The following CNNM2 variants were observed in gnomAD, a reference collection of about 807,000 sequenced individuals.
CNNM2 encodes cyclin and CBS domain divalent metal cation transport mediator 2, also known as metal transporter CNNM2.
Under a neutral mutation model 66.9 loss-of-function variants are expected in CNNM2, and 12 were observed. That is an observed-to-expected ratio of 0.18 (90% CI 0.11 to 0.29). The LOEUF (loss-of-function observed/expected upper bound fraction) is 0.29, where lower values mean the gene tolerates loss of function less well. Ranked by LOEUF, CNNM2 falls within the 10% of genes least tolerant of loss-of-function variation. CNNM2 has a pLI of 1.00. For missense variants in CNNM2, 705 were observed against 1,167.7 expected (o/e 0.60, Z 5.77); for synonymous variants, 557 against 501.8 (o/e 1.11, Z -1.47).
intron 1 of CNNM2, among the ~76,000 whole-genome samples, chr10:103,034,540 T>C (rs1309636283): frequency 6.6e-6 from 1 of 152,202 alleles, no homozygotes; most frequent in Non-Finnish European, 1.5e-5. Context: ...GTATGACTTT[T>C]GTATAATTAC....
In CNNM2 at chr10:102,918,593, G is replaced by C. The variant is rs76057237; in HGVS notation, c.113G>C (p.Arg38Pro). 2.6e-6 allele frequency: 4 copies of C among 1,564,748 alleles called. No homozygotes were observed. In the Admixed American group the frequency reaches 7.6e-5, roughly 30 times the overall value. Residue 38 changes from arginine to proline, a missense_variant, in exon 1 of 8, where the codon CGG becomes CCG. Coordinates refer to ENST00000369878, the MANE Select transcript of CNNM2 (RefSeq NM_017649.5). This position sits in a 1 kb window ranked among gnomAD's most constrained non-coding sequence, Gnocchi z 4.1. ...CGCCGCAGCCTCAGCGCTCGCGGCCGGGGGATCCTGCAGGCGGCTGCGGGG... is the reference window on the plus strand; with the variant it reads ...CGCCGCAGCCTCAGCGCTCGCGGCCCGGGGATCCTGCAGGCGGCTGCGGGG... Reference protein sequence around the residue: ...AARRSLSARGRGILQAAAGRL... With the variant: ...AARRSLSARGPGILQAAAGRL...
In CNNM2 at chr10:103,080,637, G is replaced by A. The variant is rs1213993033; in HGVS notation, c.*3457G>A. 2 of 152,124 alleles carry A rather than the reference G, an allele frequency of 1.3e-5. No homozygotes were observed. The highest frequency in any genetic ancestry group is 2.9e-5 in the Non-Finnish European group (2 of 68,044). 9.4% of individuals were successfully genotyped at this position (152,124 alleles called of 1,614,324 possible). A position where few individuals can be genotyped will look rare whatever the true frequency, so the allele number is the denominator to read the frequency against. On this transcript the variant is annotated 3_prime_UTR_variant, in exon 8 of 8. Transcript: ENST00000369878. ...TACCATCTTCTAATGTGACTTCAAG[G>A]AACAGTGCAAATGTTGAATGCAGAG...
At chr10:103,024,033 A>C (rs1480234511) in intron 1 of CNNM2, among the ~76,000 whole-genome samples, 1 of 152,180 alleles carries the variant, frequency 6.6e-6, no homozygotes, top group Non-Finnish European at 1.5e-5. Context: ...GGGTACCCTA[A>C]AATCATTGAC....
intron 1 of CNNM2, among the ~76,000 whole-genome samples, chr10:102,987,298 A>C (rs1392413892): frequency 6.6e-6 from 1 of 152,100 alleles, no homozygotes; most frequent in Non-Finnish European, 1.5e-5. Flanking sequence ...ATATGAATGA[A>C]TATGCATATA....
rs2065854012 is a variant in CNNM2, at chr10:103,087,690, C to G, written c.*10510C>G. 1 of 152,222 alleles carries G rather than the reference C, an allele frequency of 6.6e-6. No individual in the cohort carries two copies. The highest frequency in any genetic ancestry group is 1.5e-5 in the Non-Finnish European group (1 of 68,050). The allele number at this position is 152,222 out of a possible 1,614,324, so 9.4% of individuals were successfully genotyped here. ...ATGTTAAACTGGACAACATCTCCAT[C>G]TTGAGTGAGAGTAATTAGTAACTAG... On this transcript the variant is annotated 3_prime_UTR_variant, in exon 8 of 8. Coordinates refer to ENST00000369878, the MANE Select transcript of CNNM2 (RefSeq NM_017649.5).
intron 1 of CNNM2, among the ~76,000 whole-genome samples, chr10:102,991,303 T>G (rs1420433417): frequency 6.6e-6 from 1 of 152,198 alleles, no homozygotes; most frequent in East Asian, 1.9e-4. Flanking sequence ...TTTTAAATTT[T>G]GAAATGGTGT....
intron 4 of CNNM2, among the ~76,000 whole-genome samples, chr10:103,064,898 T>A (rs556055938): frequency 9.2e-5 from 14 of 152,198 alleles, no homozygotes; most frequent in African/African-American, 3.1e-4. Context: ...GAAAAAAAAA[T>A]TTGGCAACCC....
chr10:102,985,037 C>A (rs774511954), intron 1 of CNNM2, among the ~76,000 whole-genome samples: 1 of 151,890 alleles, frequency 6.6e-6, no homozygotes, highest in Non-Finnish European at 1.5e-5. Flanking sequence ...GCCAAAAGGC[C>A]GAGAAGCGAT....
chr10:102,979,240 A>G (rs985873775), intron 1 of CNNM2, among the ~76,000 whole-genome samples: 1 of 152,196 alleles, frequency 6.6e-6, no homozygotes, highest in Non-Finnish European at 1.5e-5. Flanking sequence ...GTGATCTTTT[A>G]AAATATTTGT....
intron 1 of CNNM2, among the ~76,000 whole-genome samples, chr10:103,023,001 C>T (rs983538082): frequency 2.0e-5 from 3 of 152,136 alleles, no homozygotes; most frequent in Admixed American, 1.3e-4. Context: ...CTCCCGGGCT[C>T]AGGTGATTCT....
At chr10:102,968,136 C>G (rs1398797461) in intron 1 of CNNM2, among the ~76,000 whole-genome samples, 1 of 152,144 alleles carries the variant, frequency 6.6e-6, no homozygotes, top group South Asian at 2.1e-4. Flanking sequence ...TTTTACTTTT[C>G]AAGAAGCTGC....
intron 1 of CNNM2, among the ~76,000 whole-genome samples, chr10:102,991,600 A>T (rs1341506394): frequency 1.3e-5 from 2 of 152,198 alleles, no homozygotes; most frequent in African/African-American, 4.8e-5. Flanking sequence ...CGTCTGAAGT[A>T]AAGCTATACT....
Position 102,952,274 on chromosome 10 carries a change from A to T in CNNM2, c.1621+32173A>T, listed in dbSNP as rs548923388. ...TTTTAATAATATTTTAAAAATGTTA[A>T]ATGATGGGGGCCGGGCGCAGTGGCT... On this transcript the variant is annotated intron_variant, in intron 1 of 7. Coordinates refer to ENST00000369878, the MANE Select transcript of CNNM2 (RefSeq NM_017649.5). Among the ~76,000 whole-genome samples the T allele has an allele frequency of 5.9e-5, 9 of 151,928 alleles. No homozygotes were observed. The East Asian group carries it at 1.6e-3, about 27-fold the overall frequency.
intron 1 of CNNM2, among the ~76,000 whole-genome samples, chr10:103,011,086 C>T (rs141909382): frequency 9.2e-5 from 14 of 152,288 alleles, no homozygotes; most frequent in Admixed American, 3.9e-4. Flanking sequence ...CACCACAATG[C>T]GTAGCATGTG....
chr10:102,980,390 C>A (rs566697803), intron 1 of CNNM2, among the ~76,000 whole-genome samples: 10 of 151,662 alleles, frequency 6.6e-5, no homozygotes, highest in East Asian at 3.9e-4. Context: ...CCCACCTTAG[C>A]CTCCTGAGTA....
In CNNM2 at chr10:103,080,726, A is replaced by G. The variant is rs2065749885; in HGVS notation, c.*3546A>G. 6.6e-6 allele frequency: 1 copy of G among 152,228 alleles called. No homozygotes were observed. Among genetic ancestry groups the G allele is most frequent in the South Asian group, 2.1e-4 (1 of 4,832 alleles). 9.4% of individuals were successfully genotyped at this position (152,228 alleles called of 1,614,324 possible). Reference sequence around the variant, plus strand: ...ACCTGTGCTGTCGTCAGCACTGTACACTAAAGGACCAGCTTTTCCAAGCCT... The same window carrying G: ...ACCTGTGCTGTCGTCAGCACTGTACGCTAAAGGACCAGCTTTTCCAAGCCT... On this transcript the variant is annotated 3_prime_UTR_variant, in exon 8 of 8. Coordinates refer to ENST00000369878, the MANE Select transcript of CNNM2 (RefSeq NM_017649.5).
rs757265314 is a variant in CNNM2, at chr10:103,054,322, C to T, written c.1766-7C>T. ...TTTTTTTTTCTCTCTTTTAATTCCT[C>T]CCTTAGCTGACAACAGAACGAAAAA... On this transcript the variant is annotated splice_polypyrimidine_tract_variant and splice_region_variant and intron_variant, in intron 2 of 7. Coordinates refer to ENST00000369878, the MANE Select transcript of CNNM2 (RefSeq NM_017649.5). The surrounding 1 kb of genome is among the most constrained non-coding windows in gnomAD (Gnocchi z 5.2). 8 of 1,613,454 alleles carry T rather than the reference C, an allele frequency of 5.0e-6. No individual in the cohort carries two copies. The highest frequency in any genetic ancestry group is 1.7e-5 in the Admixed American group (1 of 59,932).
chr10:102,993,715 G>A (rs555589723), intron 1 of CNNM2, among the ~76,000 whole-genome samples: 4 of 152,168 alleles, frequency 2.6e-5, no homozygotes, highest in Admixed American at 2.0e-4. Context: ...GTTTCAGGAC[G>A]ACCAAGGTAG....
At chr10:102,996,968 C>G (rs1374760406) in intron 1 of CNNM2, among the ~76,000 whole-genome samples, 3 of 152,236 alleles carry the variant, frequency 2.0e-5, no homozygotes, top group Non-Finnish European at 4.4e-5. Flanking sequence ...ACTGGGCTGA[C>G]TGCTCTCTAG....
Sources: gnomAD v4.1 joint callset for allele counts (sites outside exome capture counted in the v4.1 genomes callset) on GRCh38, gnomAD v4.1.1 for gene constraint, Gnocchi (gnomAD v3.1) non-coding constraint, MANE v1.5 for transcripts, NCBI Gene and HGNC (gene_info 2026-07-23, HGNC 2026-07-21) for gene names.